Variants in FAT4 observed in about 807,000 individuals in gnomAD.
FAT4 encodes FAT atypical cadherin 4.
FAT4 carries 84 observed loss-of-function variants against 303.9 expected under a neutral mutation model. The observed-to-expected ratio is 0.28, with a 90% CI of 0.23 to 0.33. FAT4 has a LOEUF of 0.33. Ranked by LOEUF, FAT4 falls within the 10% of genes least tolerant of loss-of-function variation. The pLI is 1.00. For missense variants in FAT4, 6,005 were observed against 6,146.8 expected (o/e 0.98, Z 0.77); for synonymous variants, 2,307 against 2,298.8 (o/e 1.00, Z -0.10).
At chr4:125,350,671 G>A (rs1297429625) in intron 2 of FAT4, among the ~76,000 whole-genome samples, 4 of 151,672 alleles carry the variant, frequency 2.6e-5, no homozygotes, top group Admixed American at 1.3e-4. Context: ...CTCCAGGAAG[G>A]CTTGGATCCT....
At chr4:125,349,069 A>G (rs1348295666) in intron 2 of FAT4, among the ~76,000 whole-genome samples, 12 of 151,810 alleles carry the variant, frequency 7.9e-5, no homozygotes, top group Non-Finnish European at 1.2e-4. Flanking sequence ...AAAGGATTAA[A>G]TTATCCAGAG....
At position 125,398,837 on chromosome 4, in the gene FAT4, C is replaced by G. The variant is rs777915862; in HGVS notation, c.5229C>G (p.Asp1743Glu). The G allele has an allele frequency of 1.2e-6, 2 of 1,612,612 alleles. No homozygotes were observed. Among genetic ancestry groups the G allele is most frequent in the Admixed American group, 3.3e-5 (2 of 59,960 alleles). Residue 1743 changes from aspartate to glutamate, a missense_variant, in exon 3 of 18, where the codon GAC becomes GAG. Asp to Glu is a conservative substitution (Grantham distance 45). Coordinates refer to ENST00000394329, the MANE Select transcript of FAT4 (RefSeq NM_001291303.3). ...ACAATCCACCAGTATTTCCAACGGA[C>G]ATGCTGGATCTCACGGTAGAGGAGA... ...INDNPPVFPT[D>E]MLDLTVEENI... is the part of the protein sequence containing the mutation.
chr4:125,481,443 A>C, intron 15 of FAT4, 78 bp from the exon 16 acceptor site: 1 of 1,230,904 alleles, frequency 8.1e-7, no homozygotes, highest in Non-Finnish European at 1.2e-6. Flanking sequence ...TCCTTTTTAT[A>C]TTTTTGTCAC....
chr4:125,375,522 G>A (rs1733279274), intron 2 of FAT4, among the ~76,000 whole-genome samples: 1 of 152,092 alleles, frequency 6.6e-6, no homozygotes, highest in Admixed American at 6.5e-5. Flanking sequence ...GAGGTTTCTG[G>A]GACTTTGGCC....
At chr4:125,430,867 C>G (rs1725260565) in intron 7 of FAT4, among the ~76,000 whole-genome samples, 1 of 152,146 alleles carries the variant, frequency 6.6e-6, no homozygotes, top group Admixed American at 6.5e-5. Flanking sequence ...ACAAATGATC[C>G]TCAAGCCAGA....
chr4:125,460,091 T>A (rs2126068434), intron 10 of FAT4, among the ~76,000 whole-genome samples: 1 of 152,192 alleles, frequency 6.6e-6, no homozygotes, highest in East Asian at 1.9e-4. Flanking sequence ...TCCTACTATG[T>A]CTTTGAATTC....
chr4:125,478,712 GTAGAGACGGGGTT>G (rs1481518552), intron 14 of FAT4, among the ~76,000 whole-genome samples: 6 of 152,106 alleles, frequency 3.9e-5, no homozygotes, highest in Admixed American at 3.9e-4. Context: ...TGTATTTTTA[GTAGAGACGGGGTT>G]TCACCATGTT....
Position 125,487,377 on chromosome 4 carries a change from T to A in FAT4, c.12855T>A (p.Asp4285Glu). ...IKNGKVYFTS[D>E]AGIAGKVERN... ...ATGGCAAAGTATATTTTACATCCGA[T>A]GCAGGAATTGCTGGGAAAGTGGAGA... Residue 4285 changes from aspartate to glutamate, a missense_variant, in exon 17 of 18, where the codon GAT becomes GAA. Coordinates refer to ENST00000394329, the MANE Select transcript of FAT4 (RefSeq NM_001291303.3). 4 of 1,613,868 alleles carry A rather than the reference T, an allele frequency of 2.5e-6. No individual in the cohort carries two copies. Among genetic ancestry groups the A allele is most frequent in the Non-Finnish European group, 3.4e-6 (4 of 1,179,760 alleles).
intron 2 of FAT4, among the ~76,000 whole-genome samples, chr4:125,361,929 A>G (rs1184889848): frequency 6.6e-6 from 1 of 152,098 alleles, no homozygotes; most frequent in Non-Finnish European, 1.5e-5. Context: ...TTGGACTTCT[A>G]TCTCAACTGC....
chr4:125,435,184 T>C (rs1433664988), intron 8 of FAT4, among the ~76,000 whole-genome samples: 1 of 152,234 alleles, frequency 6.6e-6, no homozygotes, highest in Admixed American at 6.5e-5. Flanking sequence ...AACACAAATA[T>C]GATAACTTGT....
In FAT4 at chr4:125,487,409, T is replaced by G; in HGVS notation, c.12887T>G (p.Ile4296Ser). The change falls in exon 17 of 18, where the codon ATT becomes AGT. Residue 4296 changes from isoleucine to serine, a missense_variant. Coordinates refer to ENST00000394329, the MANE Select transcript of FAT4 (RefSeq NM_001291303.3). ...AGIAGKVERNIPEVYVADGHW... is the reference protein window; with the variant it reads ...AGIAGKVERNSPEVYVADGHW... ...ATTGCTGGGAAAGTGGAGAGAAATA[T>G]TCCTGAAGTATATGTTGCAGACGGC... is the stretch of plus-strand genomic sequence containing the variant. 3 of 1,614,078 alleles carry G rather than the reference T, an allele frequency of 1.9e-6. No individual in the cohort carries two copies. Among genetic ancestry groups the G allele is most frequent in the Non-Finnish European group, 2.5e-6 (3 of 1,179,934 alleles).
rs763368247 is a variant in FAT4 at position 125,434,265 on chromosome 4, A to G, written c.7039A>G (p.Thr2347Ala). The G allele has an allele frequency of 1.2e-6, 2 of 1,613,766 alleles. No homozygotes were observed. The highest frequency in any genetic ancestry group is 1.7e-5 in the Admixed American group (1 of 59,998). ...TDSGSPALTGTGTINVIVDDV... is the reference protein window; with the variant it reads ...TDSGSPALTGAGTINVIVDDV... ...TTTAGGATCCCCTGCCTTGACTGGAACTGGAACAATCAACGTCATAGTAGA... is the reference window on the plus strand; with the variant it reads ...TTTAGGATCCCCTGCCTTGACTGGAGCTGGAACAATCAACGTCATAGTAGA... The change falls in exon 8 of 18, where the codon ACT becomes GCT. Residue 2347 changes from threonine (T) to alanine (A), a missense_variant. Thr to Ala is a moderately conservative substitution (Grantham distance 58, BLOSUM62 0). Coordinates refer to ENST00000394329, the MANE Select transcript of FAT4 (RefSeq NM_001291303.3).
At chr4:125,477,713 A>G (rs932890669) in intron 14 of FAT4, among the ~76,000 whole-genome samples, 1 of 152,076 alleles carries the variant, frequency 6.6e-6, no homozygotes. Flanking sequence ...ATTTCACATT[A>G]AATAGTTTTA....
intron 12 of FAT4, among the ~76,000 whole-genome samples, chr4:125,471,272 A>C (rs1726846805): frequency 6.6e-6 from 1 of 152,270 alleles, no homozygotes; most frequent in Non-Finnish European, 1.5e-5. Context: ...AAATATTGTG[A>C]GAATTATTCA....
At chr4:125,460,880 C>A (rs981355648) in intron 10 of FAT4, among the ~76,000 whole-genome samples, 3 of 151,970 alleles carry the variant, frequency 2.0e-5, no homozygotes, top group African/African-American at 7.2e-5. Flanking sequence ...TTGTAATTAT[C>A]CACTAAGACA....
rs145654408 is a variant in FAT4, at chr4:125,468,840, G to A, written c.12213+21G>A. ...GAATGGTAAGATATTTCATTTTATT[G>A]TTGTTGTATATCCAACTGGATCTTC... On this transcript the variant is annotated intron_variant, in intron 12 of 17. Coordinates refer to ENST00000394329, the MANE Select transcript of FAT4 (RefSeq NM_001291303.3). The A allele has an allele frequency of 1.7e-4, 279 of 1,595,178 alleles. 1 individual carries two copies. In the African/African-American group the frequency reaches 3.1e-3, roughly 18 times the overall value.
intron 2 of FAT4, among the ~76,000 whole-genome samples, chr4:125,345,888 T>C (rs1464798215): frequency 6.6e-6 from 1 of 152,132 alleles, no homozygotes; most frequent in Non-Finnish European, 1.5e-5. Flanking sequence ...AGTTGAGCTG[T>C]TGTTATCTGT....
At position 125,320,899 on chromosome 4, in the gene FAT4, A is replaced by G. The variant is rs779117797; in HGVS notation, c.4488A>G (p.Val1496=). 1.2e-6 allele frequency: 2 copies of G among 1,614,186 alleles called. No homozygotes were observed. The highest frequency in any genetic ancestry group is 3.3e-5 in the Admixed American group (2 of 60,028). Residue 1496 remains valine, a synonymous_variant, in exon 2 of 18, where the codon GTA becomes GTG. Coordinates refer to ENST00000394329, the MANE Select transcript of FAT4 (RefSeq NM_001291303.3). ...REFANLFELT[V]KANDQAVPIE... Reference sequence around the variant, plus strand: ...TTGCTAATCTCTTTGAGTTGACTGTAAAAGCCAATGATCAAGCTGTGCCAA... The same window carrying G: ...TTGCTAATCTCTTTGAGTTGACTGTGAAAGCCAATGATCAAGCTGTGCCAA...
At chr4:125,414,470 A>G (rs1397900441) in intron 5 of FAT4, among the ~76,000 whole-genome samples, 3 of 152,156 alleles carry the variant, frequency 2.0e-5, no homozygotes, top group Non-Finnish European at 4.4e-5. Flanking sequence ...CGAAATATAG[A>G]AGTACACTTA....
Sources: allele counts gnomAD v4.1 joint callset (sites outside exome capture counted in the v4.1 genomes callset), GRCh38; gene constraint gnomAD v4.1.1; transcripts MANE v1.5; gene names NCBI Gene and HGNC (gene_info 2026-07-23, HGNC 2026-07-21).